The following TRAF7 variants were observed in gnomAD, a reference collection of about 807,000 sequenced individuals.
TRAF7 encodes the protein E3 ubiquitin-protein ligase TRAF7.
A neutral mutation model predicts 89.3 loss-of-function variants in TRAF7; 45 were observed. The observed-to-expected ratio is 0.50, with a 90% confidence interval of 0.40 to 0.65. The LOEUF is 0.65. Ranked by LOEUF, TRAF7 falls within the 30% of genes least tolerant of loss-of-function variation. The probability of loss-of-function intolerance (pLI) is 0.00; values close to 1 mark genes in which losing one functional copy is unlikely to be tolerated. For missense variants in TRAF7, 677 were observed against 918.1 expected (o/e 0.74, Z 3.39); for synonymous variants, 406 against 369.2 (o/e 1.10, Z -1.14).
In TRAF7 at chr16:2,172,569, A is replaced by G; in HGVS notation, c.764A>G (p.Glu255Gly). 6.9e-7 allele frequency: 1 copy of G among 1,455,932 alleles called. No individual in the cohort carries two copies. 90.2% of individuals were successfully genotyped at this position (1,455,932 alleles called of 1,614,324 possible). ...CTGGAGGCCCACCTCAAGGAGTGCG[A>G]GCACATCAAATGCCCCCACTCCAAG... ...MNLEAHLKEC[E>G]HIKCPHSKYG... The change falls in exon 9 of 21, where the codon GAG (glutamate) becomes GGG (glycine). Residue 255 changes from glutamate (E) to glycine (G), a missense_variant. This residue lies in a region of TRAF7 where 238 missense variants were observed against 352.6 expected (regional missense o/e 0.67). Coordinates refer to ENST00000326181, the MANE Select transcript of TRAF7 (RefSeq NM_032271.3).
rs1344637046 is a variant in TRAF7 at position 2,162,873 on chromosome 16, C to T, written c.-38-1010C>T. ...CCAGCAGGAGACAGGGCTGTCCCAGCTGCATTCTGCCAGGCTCCTGGCTTC... is the reference window on the plus strand; with the variant it reads ...CCAGCAGGAGACAGGGCTGTCCCAGTTGCATTCTGCCAGGCTCCTGGCTTC... On this transcript the variant is annotated intron_variant, in intron 1 of 20. Coordinates refer to ENST00000326181, the MANE Select transcript of TRAF7 (RefSeq NM_032271.3). The surrounding 1 kb of genome is among the most constrained non-coding windows in gnomAD (Gnocchi z 5.0). 1.3e-5 allele frequency among the ~76,000 whole-genome samples: 2 copies of T among 152,220 alleles called. No homozygotes were observed. The highest frequency in any genetic ancestry group is 3.9e-4 in the East Asian group (2 of 5,182).
intron 4 of TRAF7, among the ~76,000 whole-genome samples, chr16:2,170,318 C>G (rs546515242): frequency 6.6e-6 from 1 of 152,230 alleles, no homozygotes; most frequent in Admixed American, 6.5e-5. Flanking sequence ...GGAAGCAGCC[C>G]GGGTATATGG....
rs552861448 is a variant in TRAF7 at position 2,159,066 on chromosome 16, C to T, written c.-39+3208C>T. ...GAGATGTTGCCAGCCCCCAAGGGGT[C>T]GGAGGGGCAGCAAAAGGCATCCTTA... On this transcript the variant is annotated intron_variant, in intron 1 of 20. Coordinates refer to ENST00000326181, the MANE Select transcript of TRAF7 (RefSeq NM_032271.3). This position sits in a 1 kb window ranked among gnomAD's most constrained non-coding sequence, Gnocchi z 6.5. Among the ~76,000 whole-genome samples, 81 of 152,262 alleles carry T rather than the reference C, an allele frequency of 5.3e-4. No individual in the cohort carries two copies. The highest frequency in any genetic ancestry group is 1.5e-3 in the African/African-American group (62 of 41,552).
At position 2,176,069 on chromosome 16, in the gene TRAF7, G is replaced by T. The variant is rs774851991; in HGVS notation, c.1767G>T (p.Lys589Asn). ...CCCAGGTGTGGGACATTGAGTCCAA[G>T]GAGCAGGTGCGGACCCTCACGGGCC... is the stretch of plus-strand genomic sequence containing the variant. ...NLIHVWDIES[K>N]EQVRTLTGHV... Residue 589 changes from lysine to asparagine, a missense_variant, in exon 19 of 21, where the codon AAG (lysine) becomes AAT (asparagine). Around this residue, in one of 6 missense-constraint regions of TRAF7, gnomAD observed 160 missense variants for 263.7 expected, o/e 0.61. Coordinates refer to ENST00000326181, the MANE Select transcript of TRAF7 (RefSeq NM_032271.3). The T allele has an allele frequency of 1.2e-6, 2 of 1,609,870 alleles. No individual in the cohort carries two copies. The highest frequency in any genetic ancestry group is 2.2e-5 in the South Asian group (2 of 90,876).
At position 2,168,161 on chromosome 16, in the gene TRAF7, A is replaced by C. The variant is rs1184944999; in HGVS notation, c.224A>C (p.Asp75Ala). The C allele has an allele frequency of 5.0e-6, 8 of 1,609,928 alleles. No homozygotes were observed. The highest frequency in any genetic ancestry group is 1.7e-4 in the Middle Eastern group (1 of 5,890). The change falls in exon 4 of 21, where the codon GAC (aspartate) becomes GCC (alanine). Residue 75 changes from aspartate (D) to alanine (A), a missense_variant. Physicochemically the swap from Asp to Ala is moderately radical, Grantham distance 126. Around this residue, in one of 6 missense-constraint regions of TRAF7, gnomAD observed 240 missense variants for 191.9 expected, o/e 1.25. Coordinates refer to ENST00000326181, the MANE Select transcript of TRAF7 (RefSeq NM_032271.3). The surrounding 1 kb of genome is among the most constrained non-coding windows in gnomAD (Gnocchi z 4.1). ...GCCTACTCCCCGCGGGACGAGGAGG[A>C]CAGCATGGTAGGTCCCTACCCCCAG... ...TLAYSPRDEE[D>A]SMPPISTPRR...
At chr16:2,170,588 CG>C in intron 4 of TRAF7, 25 bp from the exon 5 acceptor site, 3 of 1,589,524 alleles carry the variant, frequency 1.9e-6, no homozygotes, top group Non-Finnish European at 2.6e-6. Context: ...CGGAGCCCCC[CG>C]ACAGGCGCCT....
intron 14 of TRAF7, among the ~76,000 whole-genome samples, chr16:2,174,630 G>A (rs1596679270): frequency 1.3e-5 from 2 of 152,168 alleles, no homozygotes; most frequent in Admixed American, 6.5e-5. Flanking sequence ...GACCTTAGGG[G>A]GTGAAGGCAG....
chr16:2,168,215 A>C lies in TRAF7; in HGVS notation c.231+47A>C. On this transcript the variant is annotated intron_variant, in intron 4 of 20. Transcript: ENST00000326181. The surrounding 1 kb of genome is among the most constrained non-coding windows in gnomAD (Gnocchi z 4.1). ...CCCGTGTGAGCCTCAGCCTCCCCCCATCCTCCCTCCTGGGGGAACCAGGTC... is the reference window on the plus strand; with the variant it reads ...CCCGTGTGAGCCTCAGCCTCCCCCCCTCCTCCCTCCTGGGGGAACCAGGTC... The C allele has an allele frequency of 4.0e-6, 6 of 1,504,750 alleles. No individual in the cohort carries two copies. Among genetic ancestry groups the C allele is most frequent in the South Asian group, 1.2e-5 (1 of 84,864 alleles). The allele number at this position is 1,504,750 out of a possible 1,614,324, so 93.2% of individuals were successfully genotyped here.
intron 4 of TRAF7, among the ~76,000 whole-genome samples, chr16:2,169,337 G>A (rs2093099090): frequency 6.6e-6 from 1 of 152,206 alleles, no homozygotes; most frequent in Admixed American, 6.5e-5. Flanking sequence ...CGGGCGCTGT[G>A]CTAGGCCGAG....
Position 2,168,140 on chromosome 16 carries a change from A to T in TRAF7, c.203A>T (p.Tyr68Phe). ...CCCTCCTCCTCCAGCACCCTTGCCTACTCCCCGCGGGACGAGGAGGACAGC... is the reference window on the plus strand; with the variant it reads ...CCCTCCTCCTCCAGCACCCTTGCCTTCTCCCCGCGGGACGAGGAGGACAGC... ...RTPSSSSTLAYSPRDEEDSMP... is the reference protein window; with the variant it reads ...RTPSSSSTLAFSPRDEEDSMP... Residue 68 changes from tyrosine to phenylalanine, a missense_variant, in exon 4 of 21, where the codon TAC becomes TTC. Physicochemically the swap from Tyr to Phe is conservative, Grantham distance 22. Around this residue, in one of 6 missense-constraint regions of TRAF7, gnomAD observed 240 missense variants for 191.9 expected, o/e 1.25. Transcript: ENST00000326181. This position sits in a 1 kb window ranked among gnomAD's most constrained non-coding sequence, Gnocchi z 4.1. The T allele has an allele frequency of 6.2e-7, 1 of 1,611,416 alleles. No homozygotes were observed. The highest frequency in any genetic ancestry group is 8.5e-7 in the Non-Finnish European group (1 of 1,179,646).
chr16:2,176,854 C>A lies in TRAF7; in HGVS notation c.*280C>A, dbSNP rs1294559451. The A allele has an allele frequency of 5.3e-6, 3 of 566,938 alleles. No homozygotes were observed. The highest frequency in any genetic ancestry group is 9.5e-6 in the Non-Finnish European group (3 of 317,120). The allele number at this position is 566,938 out of a possible 1,614,324, so 35.1% of individuals were successfully genotyped here. On this transcript the variant is annotated 3_prime_UTR_variant, in exon 21 of 21. Coordinates refer to ENST00000326181, the MANE Select transcript of TRAF7 (RefSeq NM_032271.3). Reference sequence around the variant, plus strand: ...ATCCCCACCCTAGATGGAGCGAGGGCCTTTTTACTCACCTTTTCTACCGTT... The same window carrying A: ...ATCCCCACCCTAGATGGAGCGAGGGACTTTTTACTCACCTTTTCTACCGTT...
Position 2,176,146 on chromosome 16 carries a change from A to G in TRAF7, c.1844A>G (p.Lys615Arg). 1 of 1,609,886 alleles carries G rather than the reference A, an allele frequency of 6.2e-7. No individual in the cohort carries two copies. The highest frequency in any genetic ancestry group is 8.5e-7 in the Non-Finnish European group (1 of 1,179,584). The change falls in exon 19 of 21, where the codon AAA (lysine) becomes AGA (arginine). Residue 615 changes from lysine (K) to arginine (R), a missense_variant. By Grantham distance (26) the Lys-to-Arg change is conservative. Around this residue, in one of 6 missense-constraint regions of TRAF7, gnomAD observed 160 missense variants for 263.7 expected, o/e 0.61. Transcript: ENST00000326181. ...GTCATCTCGACGCCAGACCAGACCA[A>G]AGTCTTCAGTGCATCCTACGACCGG... ...LAVISTPDQT[K>R]VFSASYDRSL...
At position 2,173,547 on chromosome 16, in the gene TRAF7, T is replaced by C; in HGVS notation, c.1079T>C (p.Met360Thr). 1 of 1,612,786 alleles carries C rather than the reference T, an allele frequency of 6.2e-7. No homozygotes were observed. The highest frequency in any genetic ancestry group is 8.5e-7 in the Non-Finnish European group (1 of 1,179,568). ...ATGGAGTTCCGGCGGGACGCATCCA[T>C]GTTAAATGTGAGCGGGCGGGGCTGG... ...DLMEFRRDASMLNDELSHINA... is the reference protein window; with the variant it reads ...DLMEFRRDASTLNDELSHINA... The change falls in exon 11 of 21, where the codon ATG becomes ACG. Residue 360 changes from methionine to threonine, a missense_variant. Met to Thr is a moderately conservative substitution (Grantham distance 81). Transcript: ENST00000326181.
chr16:2,170,817 G>A (rs948436164), intron 5 of TRAF7, 87 bp downstream of exon 5: 14 of 1,287,126 alleles, frequency 1.1e-5, no homozygotes, highest in African/African-American at 1.0e-4. Flanking sequence ...CGCCATGCCC[G>A]CCCAGCTCAC....
chr16:2,170,529 G>A (rs926387786), intron 4 of TRAF7, 85 bp from the exon 5 acceptor site: 5 of 1,017,174 alleles, frequency 4.9e-6, no homozygotes, highest in African/African-American at 1.6e-5. Context: ...TGCTGCCCTC[G>A]CGCTTCCGCC....
At chr16:2,171,690 G>C in intron 7 of TRAF7, 85 bp downstream of exon 7, 1 of 1,598,046 alleles carries the variant, frequency 6.3e-7, no homozygotes, top group Non-Finnish European at 8.6e-7. Context: ...CTTGTCCCCT[G>C]CACAGCGTCC....
chr16:2,165,100 G>A lies in TRAF7; in HGVS notation c.82-779G>A, dbSNP rs552454915. On this transcript the variant is annotated intron_variant, in intron 2 of 20. Transcript: ENST00000326181. ...CTGCATGGCCTGGCCTGGTCGCATG[G>A]TTAAGCGTGTGAGTGCTGCGTGGCC... Among the ~76,000 whole-genome samples the A allele has an allele frequency of 3.9e-3, 498 of 126,240 alleles. 3 individuals are homozygous for A. The highest frequency in any genetic ancestry group is 9.5e-3 in the South Asian group (38 of 4,014). The allele number at this position is 126,240 out of a possible 152,430, so 82.8% of individuals were successfully genotyped here.
rs2093047757 is a variant in TRAF7, at chr16:2,159,168, G to A, written c.-39+3310G>A. The stretch of plus-strand genomic sequence containing the variant: ...AGCAGAGGGAGATACGGACGCTGGA[G>A]AGGCTTGGCCAGGGCAAGACAGGCC... On this transcript the variant is annotated intron_variant, in intron 1 of 20. Transcript: ENST00000326181. This position sits in a 1 kb window ranked among gnomAD's most constrained non-coding sequence, Gnocchi z 6.5. 6.6e-6 allele frequency among the ~76,000 whole-genome samples: 1 copy of A among 152,240 alleles called. No individual in the cohort carries two copies. Among genetic ancestry groups the A allele is most frequent in the Admixed American group, 6.5e-5 (1 of 15,286 alleles).
chr16:2,170,136 T>A (rs554609711), intron 4 of TRAF7, among the ~76,000 whole-genome samples: 19 of 152,224 alleles, frequency 1.2e-4, no homozygotes, highest in African/African-American at 4.1e-4. Flanking sequence ...CTGGGCCTGG[T>A]GTCCCCCACC....
Sources: gnomAD v4.1 joint callset for allele counts (sites outside exome capture counted in the v4.1 genomes callset) on GRCh38, gnomAD v4.1.1 for gene constraint, gnomAD v4.1.1 regional missense constraint, Gnocchi (gnomAD v3.1) non-coding constraint, MANE v1.5 for transcripts, NCBI Gene and HGNC (gene_info 2026-07-23, HGNC 2026-07-21) for gene names.